The following TBC1D5 variants were observed in gnomAD, a reference collection of about 807,000 sequenced individuals.
The protein encoded by TBC1D5 is TBC1 domain family, member 5.
TBC1D5 carries 75 observed loss-of-function variants against 100.3 expected under a neutral mutation model. The observed-to-expected ratio is 0.75, with a 90% confidence interval of 0.62 to 0.91. The LOEUF is 0.91. TBC1D5 is among the 40% of genes least tolerant of loss of function. The pLI, the probability that TBC1D5 is intolerant of heterozygous loss-of-function variation, is 0.00. For synonymous variants in TBC1D5, 323 were observed against 325.6 expected (o/e 0.99, Z 0.09); for missense variants, 910 against 942.4 (o/e 0.97, Z 0.45).
chr3:17,218,424 A>C (rs1057348105), intron 17 of TBC1D5, among the ~76,000 whole-genome samples: 2 of 152,022 alleles, frequency 1.3e-5, no homozygotes, highest in Admixed American at 1.3e-4. Flanking sequence ...TAGTACTGCC[A>C]TATTAACAAT....
At chr3:17,645,677 G>A (rs115628947) in intron 1 of TBC1D5, among the ~76,000 whole-genome samples, 95 of 152,140 alleles carry the variant, frequency 6.2e-4, no homozygotes, top group African/African-American at 2.1e-3. Context: ...TCTCATAAAA[G>A]CTATAATCTA....
chr3:17,707,014 T>C (rs1480935534), intron 1 of TBC1D5, among the ~76,000 whole-genome samples: 1 of 152,008 alleles, frequency 6.6e-6, no homozygotes, highest in Non-Finnish European at 1.5e-5. Context: ...AAATTTAAAT[T>C]AGTGGACTTC....
chr3:17,511,043 G>T (rs2095899422), intron 2 of TBC1D5, among the ~76,000 whole-genome samples: 1 of 151,864 alleles, frequency 6.6e-6, no homozygotes, highest in Admixed American at 6.6e-5. Context: ...AAAAAAGGGG[G>T]TATAAAAAGA....
chr3:17,731,844 T>A (rs1000891869), intron 1 of TBC1D5, among the ~76,000 whole-genome samples: 4 of 151,986 alleles, frequency 2.6e-5, no homozygotes, highest in Admixed American at 6.6e-5. Flanking sequence ...AAAAAAAAAA[T>A]TAATTTAATT....
At chr3:17,579,426 T>G (rs1470182470) in intron 2 of TBC1D5, among the ~76,000 whole-genome samples, 1 of 152,122 alleles carries the variant, frequency 6.6e-6, no homozygotes. Context: ...TCCTGCTGCT[T>G]CTTTCAGGTG....
intron 2 of TBC1D5, among the ~76,000 whole-genome samples, chr3:17,574,513 G>T (rs2153516447): frequency 6.6e-6 from 1 of 152,166 alleles, no homozygotes; most frequent in African/African-American, 2.4e-5. Context: ...AGTGGAGTCT[G>T]CAAAATGACA....
chr3:17,523,089 G>A (rs2096080979), intron 2 of TBC1D5, among the ~76,000 whole-genome samples: 1 of 102,174 alleles, frequency 9.8e-6, no homozygotes, highest in African/African-American at 6.1e-5. Flanking sequence ...TGTGTTTTAT[G>A]TGTATTATCC....
intron 3 of TBC1D5, among the ~76,000 whole-genome samples, chr3:17,484,650 T>A (rs891396605): frequency 1.3e-5 from 2 of 152,024 alleles, no homozygotes; most frequent in Middle Eastern, 3.2e-3. Context: ...GCTTGGCTAA[T>A]TTTTTAAATT....
chr3:17,422,147 T>C (rs1204038326), intron 4 of TBC1D5, among the ~76,000 whole-genome samples: 1 of 152,032 alleles, frequency 6.6e-6, no homozygotes, highest in African/African-American at 2.4e-5. Context: ...AATATTCTGT[T>C]TTTGTTTTTT....
At chr3:17,218,518 G>A (rs1431982329) in intron 17 of TBC1D5, among the ~76,000 whole-genome samples, 1 of 151,852 alleles carries the variant, frequency 6.6e-6, no homozygotes, top group Non-Finnish European at 1.5e-5. Flanking sequence ...TTCTTTGTGT[G>A]GATTTGAACT....
At chr3:17,209,614 T>C (rs571679073) in intron 18 of TBC1D5, among the ~76,000 whole-genome samples, 2 of 152,370 alleles carry the variant, frequency 1.3e-5, no homozygotes, top group African/African-American at 2.4e-5. Flanking sequence ...TAGATTCATA[T>C]TCAACAGGCT....
chr3:17,241,228 C>G (rs1431741517), intron 16 of TBC1D5, among the ~76,000 whole-genome samples: 1 of 152,154 alleles, frequency 6.6e-6, no homozygotes, highest in Admixed American at 6.5e-5. Context: ...GAAATATGAG[C>G]AGCAGAATTC....
chr3:17,608,076 G>C (rs1201557295), intron 2 of TBC1D5, among the ~76,000 whole-genome samples: 1 of 152,082 alleles, frequency 6.6e-6, no homozygotes, highest in East Asian at 1.9e-4. Flanking sequence ...GGCCAACATT[G>C]CGAAACCCCG....
At chr3:17,197,732 C>T (rs576976502) in intron 18 of TBC1D5, among the ~76,000 whole-genome samples, 1 of 152,254 alleles carries the variant, frequency 6.6e-6, no homozygotes, top group South Asian at 2.1e-4. Context: ...ACATTTGTCA[C>T]CTCAGAACTG....
intron 21 of TBC1D5, among the ~76,000 whole-genome samples, chr3:17,165,193 G>T (rs1444560249): frequency 1.3e-5 from 2 of 152,210 alleles, no homozygotes; most frequent in Non-Finnish European, 2.9e-5. Flanking sequence ...CACCGGGGCA[G>T]CAGTGGTCAT....
At chr3:17,620,523 C>T (rs1393440506) in intron 2 of TBC1D5, among the ~76,000 whole-genome samples, 1 of 152,098 alleles carries the variant, frequency 6.6e-6, no homozygotes, top group Non-Finnish European at 1.5e-5. Flanking sequence ...CCAAGAGATA[C>T]TGATACATGA....
intron 1 of TBC1D5, among the ~76,000 whole-genome samples, chr3:17,733,300 TTAAG>T (rs1442880974): frequency 1.3e-5 from 2 of 152,208 alleles, no homozygotes; most frequent in African/African-American, 4.8e-5. Flanking sequence ...TTGGGGAACT[TTAAG>T]TAGTCCATGG....
intron 2 of TBC1D5, among the ~76,000 whole-genome samples, chr3:17,541,887 C>A (rs1460715103): frequency 6.6e-6 from 1 of 152,156 alleles, no homozygotes; most frequent in Non-Finnish European, 1.5e-5. Context: ...TGGATAAAAC[C>A]AAACCCTACA....
chr3:17,409,681 A>C (rs867116088), intron 4 of TBC1D5, among the ~76,000 whole-genome samples: 1 of 152,248 alleles, frequency 6.6e-6, no homozygotes, highest in South Asian at 2.1e-4. Context: ...TGATACAGAG[A>C]AAGTTTGAAT....
Sources: allele counts gnomAD v4.1 joint callset (sites outside exome capture counted in the v4.1 genomes callset), GRCh38; gene constraint gnomAD v4.1.1; transcripts MANE v1.5; gene names NCBI Gene and HGNC (gene_info 2026-07-23, HGNC 2026-07-21).